Variants in SEMA6D observed in about 807,000 individuals in gnomAD.
SEMA6D encodes semaphorin-6D.
A neutral mutation model predicts 106.6 loss-of-function variants in SEMA6D; 35 were observed. That is an observed-to-expected ratio of 0.33 (90% confidence interval 0.25 to 0.44). The LOEUF (loss-of-function observed/expected upper bound fraction) is 0.44. Ranked by LOEUF, SEMA6D falls within the 20% of genes least tolerant of loss-of-function variation. SEMA6D has a pLI of 1.00. For missense variants in SEMA6D, 1,185 were observed against 1,345.9 expected, an observed-to-expected ratio of 0.88 and a Z score of 1.87; for synonymous variants, 499 against 487.7, an observed-to-expected ratio of 1.02 and a Z score of -0.31.
intron 2 of SEMA6D, among the ~76,000 whole-genome samples, chr15:47,432,441 A>G (rs1442019502): frequency 1.3e-5 from 2 of 151,846 alleles, no homozygotes; most frequent in Non-Finnish European, 2.9e-5. Flanking sequence ...CCTTCTCTTC[A>G]CCCTGTTTCT....
intron 1 of SEMA6D, among the ~76,000 whole-genome samples, chr15:47,381,356 C>T (rs1316202543): frequency 6.6e-6 from 1 of 152,204 alleles, no homozygotes; most frequent in Non-Finnish European, 1.5e-5. Flanking sequence ...AACAAGAGCT[C>T]ATCACAGATA....
intron 4 of SEMA6D, among the ~76,000 whole-genome samples, chr15:47,678,335 C>G (rs958300442): frequency 6.6e-6 from 1 of 152,118 alleles, no homozygotes; most frequent in African/African-American, 2.4e-5. Context: ...CACAGACAAG[C>G]AGAAGTCCCC....
intron 1 of SEMA6D, among the ~76,000 whole-genome samples, chr15:47,265,043 G>A (rs377264948): frequency 1.2e-4 from 18 of 152,028 alleles, no homozygotes; most frequent in African/African-American, 4.3e-4. Flanking sequence ...TTATATCCAC[G>A]TGCATAAGAG....
intron 1 of SEMA6D, among the ~76,000 whole-genome samples, chr15:47,281,596 G>C (rs553088714): frequency 3.3e-5 from 5 of 151,882 alleles, no homozygotes; most frequent in Non-Finnish European, 2.9e-5. Context: ...TATTTTGCTC[G>C]TTAGTTGATG....
At chr15:47,378,655 A>G (rs1345400195) in intron 1 of SEMA6D, among the ~76,000 whole-genome samples, 2 of 152,236 alleles carry the variant, frequency 1.3e-5, no homozygotes, top group Admixed American at 6.5e-5. Flanking sequence ...GCTGCCTCCA[A>G]ACCCTAAGGT....
At chr15:47,656,183 C>G (rs2077789946) in intron 4 of SEMA6D, among the ~76,000 whole-genome samples, 1 of 152,180 alleles carries the variant, frequency 6.6e-6, no homozygotes, top group South Asian at 2.1e-4. Context: ...GTGTGTTTAA[C>G]ACTAATGAAC....
intron 1 of SEMA6D, among the ~76,000 whole-genome samples, chr15:47,393,007 C>T (rs2040090913): frequency 6.6e-6 from 1 of 152,210 alleles, no homozygotes; most frequent in Non-Finnish European, 1.5e-5. Flanking sequence ...TGCTGCTAAT[C>T]AAGAAGTCTT....
intron 1 of SEMA6D, among the ~76,000 whole-genome samples, chr15:47,724,571 G>C (rs2079619177): frequency 6.6e-6 from 1 of 152,062 alleles, no homozygotes; most frequent in Admixed American, 6.5e-5. Flanking sequence ...GGACAGTGAG[G>C]GGTGGTGGGG....
At chr15:47,410,201 C>A (rs2040741602) in intron 1 of SEMA6D, among the ~76,000 whole-genome samples, 1 of 151,480 alleles carries the variant, frequency 6.6e-6, no homozygotes, top group Non-Finnish European at 1.5e-5. Context: ...CCAAGCTGGT[C>A]TTGAATTCCT....
At chr15:47,234,085 C>T (rs990938587) in intron 1 of SEMA6D, among the ~76,000 whole-genome samples, 6 of 151,860 alleles carry the variant, frequency 4.0e-5, no homozygotes, top group African/African-American at 1.5e-4. Context: ...CCAACCAAAA[C>T]TCTTGGGAGG....
At chr15:47,241,138 A>G (rs1281448773) in intron 1 of SEMA6D, 1 of 152,228 alleles carries the variant, frequency 6.6e-6, no homozygotes, top group Non-Finnish European at 1.5e-5. Flanking sequence ...AACAATGTGT[A>G]ACCCAAAATG....
At chr15:47,595,709 T>G (rs1277402960) in intron 3 of SEMA6D, among the ~76,000 whole-genome samples, 1 of 152,174 alleles carries the variant, frequency 6.6e-6, no homozygotes, top group African/African-American at 2.4e-5. Flanking sequence ...CCTGGGCTTT[T>G]CTTTGATGGG....
intron 4 of SEMA6D, among the ~76,000 whole-genome samples, chr15:47,682,830 T>C (rs2078386664): frequency 6.6e-6 from 1 of 152,194 alleles, no homozygotes; most frequent in Non-Finnish European, 1.5e-5. Context: ...TCCTCACAAA[T>C]GTCCACTGGT....
At chr15:47,677,065 A>G (rs2078260472) in intron 4 of SEMA6D, among the ~76,000 whole-genome samples, 1 of 152,074 alleles carries the variant, frequency 6.6e-6, no homozygotes, top group South Asian at 2.1e-4. Context: ...TAAGAATCTA[A>G]TGCTGCTGTT....
intron 2 of SEMA6D, among the ~76,000 whole-genome samples, chr15:47,456,879 G>A (rs2042360638): frequency 6.6e-6 from 1 of 151,952 alleles, no homozygotes. Context: ...AAAAGAAAGA[G>A]CTGCACAGAG....
At chr15:47,517,811 G>C (rs114517114) in intron 3 of SEMA6D, among the ~76,000 whole-genome samples, 1 of 152,144 alleles carries the variant, frequency 6.6e-6, no homozygotes, top group Non-Finnish European at 1.5e-5. Flanking sequence ...CCCTTAACAA[G>C]TAATGAAAGT....
intron 2 of SEMA6D, among the ~76,000 whole-genome samples, chr15:47,431,967 A>G (rs2041543482): frequency 6.6e-6 from 1 of 152,086 alleles, no homozygotes; most frequent in African/African-American, 2.4e-5. Flanking sequence ...AGATGTATCA[A>G]TGGTTTCTTT....
Position 47,386,158 on chromosome 15 carries a change from G to A in SEMA6D, c.-238-26235G>A, listed in dbSNP as rs183981251. ...TTAGGTTCAAGGGGCTCAACATCTG[G>A]TAGAAGAGATAAAATATCTACACAG... On this transcript the variant is annotated intron_variant, in intron 1 of 19. Transcript: ENST00000558014. Among the ~76,000 whole-genome samples the A allele has an allele frequency of 4.4e-3, 674 of 151,960 alleles. 4 individuals carry two copies. The highest frequency in any genetic ancestry group is 0.024 in the Middle Eastern group (7 of 294).
intron 2 of SEMA6D, among the ~76,000 whole-genome samples, chr15:47,441,491 C>T (rs2041880742): frequency 6.6e-6 from 1 of 152,022 alleles, no homozygotes; most frequent in Non-Finnish European, 1.5e-5. Flanking sequence ...AGAATGTAGA[C>T]ACAATTTCAT....
Sources: allele counts gnomAD v4.1 joint callset (sites outside exome capture counted in the v4.1 genomes callset), GRCh38; gene constraint gnomAD v4.1.1; transcripts MANE v1.5; gene names NCBI Gene and HGNC (gene_info 2026-07-23, HGNC 2026-07-21).